The following KIAA0513 variants were observed in gnomAD, a reference collection of about 807,000 sequenced individuals.
KIAA0513 encodes uncharacterized protein KIAA0513.
Under a neutral mutation model 56.5 loss-of-function variants are expected in KIAA0513, and 39 were observed. The ratio of observed to expected loss-of-function variants is 0.69; its 90% CI spans 0.53 to 0.90. The LOEUF (loss-of-function observed/expected upper bound fraction) is 0.90. Among genes scored for constraint, KIAA0513 ranks in the 40% least tolerant of loss-of-function variants. The pLI is 0.00. For synonymous variants in KIAA0513, 268 were observed against 215.6 expected (o/e 1.24, Z -2.13); for missense variants, 591 against 535.2 (o/e 1.10, Z -1.03).
intron 1 of KIAA0513, among the ~76,000 whole-genome samples, chr16:85,062,498 G>T (rs1467846929): frequency 6.6e-6 from 1 of 152,206 alleles, no homozygotes; most frequent in Non-Finnish European, 1.5e-5. Flanking sequence ...CCTATCTGCG[G>T]TGACACAGAT....
In KIAA0513 at chr16:85,081,370, A is replaced by T; in HGVS notation, c.958A>T (p.Thr320Ser). The change falls in exon 9 of 13, where the codon ACA (threonine) becomes TCA (serine). Residue 320 changes from threonine to serine, a missense_variant. Transcript: ENST00000683363. This position sits in a 1 kb window ranked among gnomAD's most constrained non-coding sequence, Gnocchi z 4.4. ...AFFDAVHCERTKRSPTTRGDA... is the reference protein window; with the variant it reads ...AFFDAVHCERSKRSPTTRGDA... ...TTTTGACGCTGTCCATTGTGAGAGGACAAAGCGATCTCCCACTACCAGGTA... is the reference window on the plus strand; with the variant it reads ...TTTTGACGCTGTCCATTGTGAGAGGTCAAAGCGATCTCCCACTACCAGGTA... 1 of 1,579,326 alleles carries T rather than the reference A, an allele frequency of 6.3e-7. No individual in the cohort carries two copies. The highest frequency in any genetic ancestry group is 8.6e-7 in the Non-Finnish European group (1 of 1,162,274).
intron 1 of KIAA0513, among the ~76,000 whole-genome samples, chr16:85,064,275 G>A (rs2073447798): frequency 6.6e-6 from 1 of 151,952 alleles, no homozygotes; most frequent in Admixed American, 6.6e-5. Flanking sequence ...CAAAGTGTTG[G>A]GATTACGGGA....
In KIAA0513 at chr16:85,067,124, C is replaced by A. The variant is rs751384535; in HGVS notation, c.53C>A (p.Ala18Glu). ...TCGCTAATCGACTTTGGGCCTGAGG[C>A]ACCCACCTCTTCTCCCCTGGAGGCA... ...VGSLIDFGPE[A>E]PTSSPLEAPP... The change falls in exon 2 of 13, where the codon GCA (alanine) becomes GAA (glutamate). Residue 18 changes from alanine to glutamate, a missense_variant. By Grantham distance (107) the Ala-to-Glu change is moderately radical (BLOSUM62 -1). Coordinates refer to ENST00000683363, the MANE Select transcript of KIAA0513 (RefSeq NM_001388359.1). The A allele has an allele frequency of 3.1e-6, 5 of 1,611,846 alleles. No individual in the cohort carries two copies. The highest frequency in any genetic ancestry group is 4.5e-5 in the East Asian group (2 of 44,852).
chr16:85,049,799 CA>C, intron 1 of KIAA0513, among the ~76,000 whole-genome samples: 1 of 152,306 alleles, frequency 6.6e-6, no homozygotes, highest in Admixed American at 6.5e-5. Context: ...TTCGTTATAG[CA>C]GTGCAAGAAT....
intron 5 of KIAA0513, 108 bp from the exon 6 acceptor site, chr16:85,077,317 C>T (rs1567542731): frequency 4.0e-6 from 4 of 1,011,238 alleles, no homozygotes; most frequent in Non-Finnish European, 5.8e-6. Context: ...GGGAGGCTCC[C>T]GTATCCCCAC....
intron 10 of KIAA0513, among the ~76,000 whole-genome samples, chr16:85,085,146 C>G (rs2073793936): frequency 6.6e-6 from 1 of 152,196 alleles, no homozygotes; most frequent in Admixed American, 6.5e-5. Flanking sequence ...GTTTATGTGT[C>G]TGGACAACCC....
chr16:85,072,813 G>A, intron 3 of KIAA0513, 112 bp from the exon 4 acceptor site: 1 of 1,046,172 alleles, frequency 9.6e-7, no homozygotes, highest in Non-Finnish European at 1.5e-6. Flanking sequence ...GACATCCTGG[G>A]CCCCCATCCC....
chr16:85,034,359 G>A (rs2073006873), intron 1 of KIAA0513, among the ~76,000 whole-genome samples: 1 of 152,096 alleles, frequency 6.6e-6, no homozygotes. Context: ...CAGTCTGGGC[G>A]ACAAGAGGGA....
At chr16:85,052,960 G>C (rs989419187) in intron 1 of KIAA0513, among the ~76,000 whole-genome samples, 1 of 151,846 alleles carries the variant, frequency 6.6e-6, no homozygotes, top group South Asian at 2.1e-4. Flanking sequence ...GCACGATCTC[G>C]GCTCACTGCA....
chr16:85,065,264 C>G (rs1017426538), intron 1 of KIAA0513, among the ~76,000 whole-genome samples: 2 of 152,170 alleles, frequency 1.3e-5, no homozygotes, highest in East Asian at 3.9e-4. Flanking sequence ...CAGGGGGGAC[C>G]CATCAGAGAC....
intron 1 of KIAA0513, among the ~76,000 whole-genome samples, chr16:85,049,045 G>C (rs749619630): frequency 3.5e-4 from 54 of 152,372 alleles, no homozygotes; most frequent in Non-Finnish European, 6.5e-4. Context: ...CCAACACCGA[G>C]TGCTTCTGTG....
chr16:85,032,930 C>T (rs1407016145), intron 1 of KIAA0513, among the ~76,000 whole-genome samples: 1 of 152,030 alleles, frequency 6.6e-6, no homozygotes, highest in Non-Finnish European at 1.5e-5. Context: ...CGCCCGGCCC[C>T]ACAGAGACCC....
intron 8 of KIAA0513, among the ~76,000 whole-genome samples, chr16:85,080,373 A>G (rs1053271013): frequency 1.3e-5 from 2 of 152,198 alleles, no homozygotes; most frequent in African/African-American, 2.4e-5. Context: ...TGTAGCGTGA[A>G]CACCACCAGA....
rs544687697 is a variant in KIAA0513, at chr16:85,088,389, C to T, written c.*64C>T. 43 of 1,434,948 alleles carry T rather than the reference C, an allele frequency of 3.0e-5. No homozygotes were observed. Among genetic ancestry groups the T allele is most frequent in the Middle Eastern group, 4.0e-4 (2 of 5,032 alleles). The allele number at this position is 1,434,948 out of a possible 1,614,324, so 88.9% of individuals were successfully genotyped here. A position where few individuals can be genotyped will look rare whatever the true frequency, so the allele number is the denominator to read the frequency against. ...GTGCCATTCTCCCGGGCCCAGCGCC[C>T]GGCCGTCACCCCACCCGATGACCTG... On this transcript the variant is annotated 3_prime_UTR_variant, in exon 13 of 13. Transcript: ENST00000683363.
intron 2 of KIAA0513, among the ~76,000 whole-genome samples, chr16:85,070,481 C>T (rs889376237): frequency 1.6e-4 from 25 of 152,224 alleles, no homozygotes; most frequent in African/African-American, 6.0e-4. Context: ...AGTTTGAGAC[C>T]AGCCTGGCCA....
intron 10 of KIAA0513, among the ~76,000 whole-genome samples, chr16:85,086,292 C>T (rs1190237240): frequency 6.6e-6 from 1 of 152,260 alleles, no homozygotes; most frequent in Non-Finnish European, 1.5e-5. Context: ...CAGGCCCAGA[C>T]CCCACTCTCC....
chr16:85,055,709 C>T (rs578122411), intron 1 of KIAA0513, among the ~76,000 whole-genome samples: 4 of 152,230 alleles, frequency 2.6e-5, no homozygotes, highest in Non-Finnish European at 5.9e-5. Flanking sequence ...AATCCGCCAC[C>T]TTCTCCTTTT....
intron 1 of KIAA0513, among the ~76,000 whole-genome samples, chr16:85,041,021 TGAG>T (rs1178819074): frequency 6.6e-6 from 1 of 152,236 alleles, no homozygotes; most frequent in Non-Finnish European, 1.5e-5. Flanking sequence ...GAGTGCAGAA[TGAG>T]ATGTATTTTA....
At position 85,062,898 on chromosome 16, in the gene KIAA0513, A is replaced by G. The variant is rs35349567; in HGVS notation, c.-172-4002A>G. 1.8e-4 allele frequency among the ~76,000 whole-genome samples: 28 copies of G among 152,310 alleles called. No individual in the cohort carries two copies. The East Asian group carries it at 4.4e-3, about 24-fold the overall frequency. On this transcript the variant is annotated intron_variant, in intron 1 of 12. Coordinates refer to ENST00000683363, the MANE Select transcript of KIAA0513 (RefSeq NM_001388359.1). ...ACCTTGTCCTGCCTAGAGGCCCACAATGACCTTTCCTTCTTAGAGGAAGAG... is the reference window on the plus strand; with the variant it reads ...ACCTTGTCCTGCCTAGAGGCCCACAGTGACCTTTCCTTCTTAGAGGAAGAG...
Sources: gnomAD v4.1 joint callset for allele counts (sites outside exome capture counted in the v4.1 genomes callset) on GRCh38, gnomAD v4.1.1 for gene constraint, Gnocchi (gnomAD v3.1) non-coding constraint, MANE v1.5 for transcripts, NCBI Gene and HGNC (gene_info 2026-07-23, HGNC 2026-07-21) for gene names.